Variants in SGCD observed in about 807,000 individuals in gnomAD.
The protein encoded by SGCD is delta-sarcoglycan.
SGCD carries 18 observed loss-of-function variants against 36.6 expected under a neutral mutation model. The observed-to-expected ratio is 0.49, with a 90% confidence interval of 0.34 to 0.73. The LOEUF is 0.73. Ranked by LOEUF, SGCD falls within the 30% of genes least tolerant of loss-of-function variation. The probability of loss-of-function intolerance (pLI) is 0.01; values close to 1 mark genes in which losing one functional copy is unlikely to be tolerated. For missense variants in SGCD, 387 were observed against 346.7 expected, an observed-to-expected ratio of 1.12 and a Z score of -0.92; for synonymous variants, 133 against 130.6, an observed-to-expected ratio of 1.02 and a Z score of -0.12.
the SGCD span, among the ~76,000 whole-genome samples, chr5:155,782,682 C>A: frequency 6.6e-6 from 1 of 152,114 alleles, no homozygotes; most frequent in South Asian, 2.1e-4. Flanking sequence ...GAGCAGGGGG[C>A]AAATGAGCAT....
At chr5:156,412,811 C>T (rs1178886397) in intron 3 of SGCD, among the ~76,000 whole-genome samples, 8 of 120,096 alleles carry the variant, frequency 6.7e-5, no homozygotes, top group South Asian at 2.6e-4. Flanking sequence ...TTTTTTGAGA[C>T]GGAGTCTCGC....
chr5:156,068,220 C>T (rs140165378), intron 1 of SGCD, among the ~76,000 whole-genome samples: 21,329 of 151,466 alleles, frequency 0.14, 1,776 homozygotes, highest in Non-Finnish European at 0.19. Context: ...GTGCTGCACC[C>T]ATTAACTCGT....
At chr5:155,767,539 G>T in the SGCD span, among the ~76,000 whole-genome samples, 1 of 152,004 alleles carries the variant, frequency 6.6e-6, no homozygotes, top group Non-Finnish European at 1.5e-5. Context: ...CTGTTTTTAA[G>T]GAACAGCAGT....
Position 156,589,231 on chromosome 5 carries a change from G to A in SGCD, c.295G>A (p.Gly99Ser), listed in dbSNP as rs1199660318. 3 of 1,550,074 alleles carry A rather than the reference G, an allele frequency of 1.9e-6. No homozygotes were observed. The highest frequency in any genetic ancestry group is 4.7e-5 in the East Asian group (2 of 42,932). The change falls in exon 5 of 9, where the codon GGT (glycine) becomes AGT (serine). Residue 99 changes from glycine to serine, a missense_variant and splice_region_variant. Coordinates refer to ENST00000337851, the MANE Select transcript of SGCD (RefSeq NM_000337.6). ...LYAKEIQSRP[G>S]NALYFKSARN... Reference sequence around the variant, plus strand: ...TCTTTCTCTTATTTTCTTATTGCAGGGTAATGCCCTGTACTTCAAGTCTGC... The same window carrying A: ...TCTTTCTCTTATTTTCTTATTGCAGAGTAATGCCCTGTACTTCAAGTCTGC...
chr5:155,744,227 C>A, the SGCD span, among the ~76,000 whole-genome samples: 4 of 151,930 alleles, frequency 2.6e-5, no homozygotes, highest in Non-Finnish European at 5.9e-5. Flanking sequence ...TTTGGGAGGC[C>A]GAGGTGGGCA....
chr5:156,056,971 C>A (rs1254662974), intron 1 of SGCD, among the ~76,000 whole-genome samples: 1 of 145,906 alleles, frequency 6.9e-6, no homozygotes, highest in African/African-American at 2.5e-5. Flanking sequence ...CTAGCGCATC[C>A]CTAAGTACGT....
At chr5:156,251,768 C>T (rs1765584882) in intron 3 of SGCD, among the ~76,000 whole-genome samples, 1 of 152,102 alleles carries the variant, frequency 6.6e-6, no homozygotes, top group Non-Finnish European at 1.5e-5. Context: ...CCCACCTCGC[C>T]CTCCCAACGT....
At chr5:156,102,743 TA>T (rs1761549384) in intron 1 of SGCD, among the ~76,000 whole-genome samples, 1 of 152,196 alleles carries the variant, frequency 6.6e-6, no homozygotes, top group African/African-American at 2.4e-5. Flanking sequence ...AAAGCAATTA[TA>T]GTTTATATAG....
chr5:156,555,053 G>C (rs1758966378), intron 4 of SGCD, among the ~76,000 whole-genome samples: 1 of 152,022 alleles, frequency 6.6e-6, no homozygotes, highest in Non-Finnish European at 1.5e-5. Flanking sequence ...TGTTGATTCA[G>C]ATCTTTTGTC....
chr5:156,076,702 A>T (rs1358570255), intron 1 of SGCD, among the ~76,000 whole-genome samples: 3 of 152,154 alleles, frequency 2.0e-5, no homozygotes, highest in Non-Finnish European at 2.9e-5. Context: ...TTTAATTTTT[A>T]TTCATATTTT....
intron 2 of SGCD, among the ~76,000 whole-genome samples, chr5:156,332,170 C>A (rs1486001993): frequency 1.3e-5 from 2 of 152,214 alleles, no homozygotes; most frequent in Non-Finnish European, 2.9e-5. Flanking sequence ...TGCGTCCCCA[C>A]CCCTCTGATG....
chr5:156,688,019 G>A (rs1753969713), intron 7 of SGCD, among the ~76,000 whole-genome samples: 1 of 152,138 alleles, frequency 6.6e-6, no homozygotes, highest in African/African-American at 2.4e-5. Flanking sequence ...TCACTGCACA[G>A]CCAGGTGTAC....
At chr5:156,376,772 A>G (rs1770693345) in intron 3 of SGCD, among the ~76,000 whole-genome samples, 1 of 152,188 alleles carries the variant, frequency 6.6e-6, no homozygotes, top group Non-Finnish European at 1.5e-5. Flanking sequence ...AACTTGCCAT[A>G]GTCTCCAAAT....
intron 3 of SGCD, among the ~76,000 whole-genome samples, chr5:156,369,327 A>G (rs1770267475): frequency 6.6e-6 from 1 of 152,258 alleles, no homozygotes; most frequent in Admixed American, 6.5e-5. Flanking sequence ...GCTTTGGATT[A>G]GGAGTCAAGA....
intron 7 of SGCD, among the ~76,000 whole-genome samples, chr5:156,719,932 C>T (rs896815534): frequency 1.3e-5 from 2 of 151,800 alleles, no homozygotes; most frequent in South Asian, 2.1e-4. Context: ...ACACAGTTCT[C>T]CTTAATCTCC....
At chr5:156,265,434 C>T (rs1367813071) in intron 3 of SGCD, among the ~76,000 whole-genome samples, 8 of 151,392 alleles carry the variant, frequency 5.3e-5, no homozygotes, top group African/African-American at 9.7e-5. Context: ...ATCCTCATTA[C>T]GTTTTCTGCC....
intron 2 of SGCD, among the ~76,000 whole-genome samples, chr5:156,122,843 T>TAAAGAAAAAAAAAAAAAAAAAAAAAAAAA (rs1762076955): frequency 1.8e-5 from 1 of 54,158 alleles, no homozygotes. Context: ...AAAGATGTGG[T>TAAAGAAAAAAAAAAAAAAAAAAAAAAAAA]AAAAAAAAAA....
intron 4 of SGCD, among the ~76,000 whole-genome samples, chr5:156,528,074 A>G (rs368044565): frequency 2.6e-4 from 40 of 152,250 alleles, no homozygotes; most frequent in East Asian, 2.5e-3. Context: ...TTCCACTATT[A>G]CTTTATAAAC....
At chr5:155,978,828 TA>T (rs879399983) in intron 1 of SGCD, among the ~76,000 whole-genome samples, 161 of 145,524 alleles carry the variant, frequency 1.1e-3, no homozygotes, top group Middle Eastern at 7.0e-3. Context: ...GGAGTTATTT[TA>T]AAAAAAAAAA....
Sources: allele counts gnomAD v4.1 joint callset (sites outside exome capture counted in the v4.1 genomes callset), GRCh38; gene constraint gnomAD v4.1.1; transcripts MANE v1.5; gene names NCBI Gene and HGNC (gene_info 2026-07-23, HGNC 2026-07-21).